ZNF654: variants seen among roughly 807,000 people sequenced by gnomAD.
ZNF654 encodes the protein zinc finger protein 654.
A neutral mutation model predicts 95.3 loss-of-function variants in ZNF654; 19 were observed. The ratio of observed to expected loss-of-function variants is 0.20; its 90% CI spans 0.14 to 0.29. The LOEUF is 0.29. Among genes scored for constraint, ZNF654 ranks in the 10% least tolerant of loss-of-function variants. The pLI is 1.00. For missense variants in ZNF654, 1,046 were observed against 1,341.0 expected (o/e 0.78, Z 3.44); for synonymous variants, 413 against 457.9 (o/e 0.90, Z 1.25).
intron 1 of ZNF654, 23 bp downstream of exon 1, chr3:88,059,528 C>T (rs1403982375): frequency 3.4e-6 from 5 of 1,458,960 alleles, no homozygotes; most frequent in Non-Finnish European, 4.5e-6. Flanking sequence ...TTGGCCGCCC[C>T]GACTTGTCAC....
intron 2 of ZNF654, among the ~76,000 whole-genome samples, chr3:88,102,167 T>C (rs1352595150): frequency 6.6e-6 from 1 of 152,158 alleles, no homozygotes; most frequent in Non-Finnish European, 1.5e-5. Flanking sequence ...GTAATGTGTT[T>C]TGTGTAGTTT....
chr3:88,090,855 T>C (rs1287411257), intron 2 of ZNF654, among the ~76,000 whole-genome samples: 2 of 152,160 alleles, frequency 1.3e-5, no homozygotes, highest in Non-Finnish European at 2.9e-5. Flanking sequence ...CGACATCTGA[T>C]AAGCTAAGAA....
intron 2 of ZNF654, among the ~76,000 whole-genome samples, chr3:88,096,453 C>T (rs1005474997): frequency 6.6e-6 from 1 of 152,082 alleles, no homozygotes; most frequent in Non-Finnish European, 1.5e-5. Context: ...CTCATTTCTC[C>T]TTCCTCCTGA....
In ZNF654 at chr3:88,098,625, T is replaced by G. The variant is rs147322014; in HGVS notation, c.332+12223T>G. On this transcript the variant is annotated intron_variant, in intron 2 of 8. Transcript: ENST00000636215. Reference sequence around the variant, plus strand: ...GAATCCAGCAGCACAGCAAAAAGCTTATCCACCATGATCAAGTGGGCTTCA... The same window carrying G: ...GAATCCAGCAGCACAGCAAAAAGCTGATCCACCATGATCAAGTGGGCTTCA... Among the ~76,000 whole-genome samples the G allele has an allele frequency of 2.6e-3, 402 of 152,250 alleles. 1 individual carries two copies. The highest frequency in any genetic ancestry group is 9.3e-3 in the African/African-American group (388 of 41,548).
At chr3:88,117,643 C>A (rs1705490826) in intron 3 of ZNF654, among the ~76,000 whole-genome samples, 1 of 151,926 alleles carries the variant, frequency 6.6e-6, no homozygotes, top group African/African-American at 2.4e-5. Flanking sequence ...TTATGGTTAT[C>A]ATGAAGAATC....
chr3:88,088,405 ATAAT>A (rs1323830932), intron 2 of ZNF654, among the ~76,000 whole-genome samples: 2 of 152,236 alleles, frequency 1.3e-5, no homozygotes, highest in African/African-American at 4.8e-5. Flanking sequence ...TATAAAATCT[ATAAT>A]TAGCATTTTT....
At chr3:88,092,243 A>G (rs1237382967) in intron 2 of ZNF654, among the ~76,000 whole-genome samples, 1 of 152,202 alleles carries the variant, frequency 6.6e-6, no homozygotes, top group Non-Finnish European at 1.5e-5. Context: ...AATTTTTCTA[A>G]CAATTACTGC....
At chr3:88,136,900 G>T (rs1706818423) in intron 7 of ZNF654, among the ~76,000 whole-genome samples, 2 of 152,030 alleles carry the variant, frequency 1.3e-5, no homozygotes, top group Admixed American at 1.3e-4. Context: ...TATGAGCCAA[G>T]ATAGAGGATG....
chr3:88,078,485 C>T (rs1196142781), intron 1 of ZNF654, among the ~76,000 whole-genome samples: 1 of 152,020 alleles, frequency 6.6e-6, no homozygotes, highest in Non-Finnish European at 1.5e-5. Context: ...TTTGAAGATA[C>T]AAATAACTGA....
chr3:88,062,745 A>G (rs944074791), intron 1 of ZNF654, among the ~76,000 whole-genome samples: 2 of 152,214 alleles, frequency 1.3e-5, no homozygotes, highest in Non-Finnish European at 2.9e-5. Context: ...AAATTATTTC[A>G]TACTACAGTG....
chr3:88,141,315 G>T (rs1011345574), intron 8 of ZNF654, among the ~76,000 whole-genome samples: 2 of 139,302 alleles, frequency 1.4e-5, no homozygotes, highest in Admixed American at 1.5e-4. Flanking sequence ...CTGAACACAG[G>T]TTTTTCATAT....
intron 6 of ZNF654, among the ~76,000 whole-genome samples, chr3:88,132,858 A>C (rs1706547603): frequency 6.6e-6 from 1 of 152,184 alleles, no homozygotes; most frequent in African/African-American, 2.4e-5. Flanking sequence ...ATGGAGTTGG[A>C]ATTTGTACTA....
At chr3:88,093,030 T>C (rs1360439000) in intron 2 of ZNF654, among the ~76,000 whole-genome samples, 1 of 152,202 alleles carries the variant, frequency 6.6e-6, no homozygotes, top group Non-Finnish European at 1.5e-5. Context: ...TAATTCTGTC[T>C]AACTTTACCT....
intron 3 of ZNF654, among the ~76,000 whole-genome samples, chr3:88,119,697 A>G (rs1312339888): frequency 1.3e-5 from 2 of 152,158 alleles, no homozygotes; most frequent in African/African-American, 4.8e-5. Context: ...CCTGTGCTCA[A>G]AAAATCTTGC....
At chr3:88,135,377 A>G in intron 7 of ZNF654, 175 bp downstream of exon 7, 1 of 412,644 alleles carries the variant, frequency 2.4e-6, no homozygotes, top group Admixed American at 4.5e-5. Flanking sequence ...TCAACATGGG[A>G]GGCTGATTTA....
At chr3:88,063,912 G>A (rs1707040558) in intron 1 of ZNF654, among the ~76,000 whole-genome samples, 1 of 152,102 alleles carries the variant, frequency 6.6e-6, no homozygotes, top group African/African-American at 2.4e-5. Flanking sequence ...GCAGGAGCTG[G>A]TTGTCTCTGT....
chr3:88,059,821 C>T (rs189816435), intron 1 of ZNF654, among the ~76,000 whole-genome samples: 1 of 152,112 alleles, frequency 6.6e-6, no homozygotes, highest in African/African-American at 2.4e-5. Context: ...CCTTCCTGCC[C>T]GAGAGTCCCG....
At chr3:88,120,747 G>C (rs1344250235) in intron 3 of ZNF654, among the ~76,000 whole-genome samples, 2 of 152,008 alleles carry the variant, frequency 1.3e-5, no homozygotes, top group Non-Finnish European at 1.5e-5. Flanking sequence ...TAAAACAAAA[G>C]TACATTTAAA....
intron 4 of ZNF654, 72 bp from the exon 5 acceptor site, chr3:88,128,737 A>G: frequency 4.7e-6 from 5 of 1,072,478 alleles, no homozygotes; most frequent in Non-Finnish European, 5.3e-6. Context: ...TTTTAGTGGT[A>G]AAGTTTCAAA....
Sources: allele counts gnomAD v4.1 joint callset (sites outside exome capture counted in the v4.1 genomes callset), GRCh38; gene constraint gnomAD v4.1.1; transcripts MANE v1.5; gene names NCBI Gene and HGNC (gene_info 2026-07-23, HGNC 2026-07-21).